The following LDAH variants were observed in gnomAD, a reference collection of about 807,000 sequenced individuals.
LDAH encodes the protein lipid droplet-associated hydrolase.
Under a neutral mutation model 29.6 loss-of-function variants are expected in LDAH, and 26 were observed. The observed-to-expected ratio is 0.88, with a 90% CI of 0.64 to 1.22. The LOEUF (loss-of-function observed/expected upper bound fraction) is 1.22. Among genes scored for constraint, LDAH ranks in the 50% most tolerant of loss-of-function variants. The probability of loss-of-function intolerance (pLI) is 0.00; values close to 1 mark genes in which losing one functional copy is unlikely to be tolerated. For synonymous variants in LDAH, 117 were observed against 133.0 expected, an observed-to-expected ratio of 0.88 and a Z score of 0.83; for missense variants, 344 against 387.3, an observed-to-expected ratio of 0.89 and a Z score of 0.94.
At chr2:20,750,397 C>T (rs1377350974) in intron 4 of LDAH, among the ~76,000 whole-genome samples, 5 of 152,188 alleles carry the variant, frequency 3.3e-5, no homozygotes, top group African/African-American at 1.2e-4. Flanking sequence ...TGGGGAGACT[C>T]TTAACTTCCC....
intron 3 of LDAH, among the ~76,000 whole-genome samples, chr2:20,779,437 C>T (rs1055417047): frequency 8.6e-5 from 13 of 151,602 alleles, no homozygotes; most frequent in African/African-American, 2.9e-4. Flanking sequence ...ATGTAACAAA[C>T]GTGTACATTC....
intron 5 of LDAH, among the ~76,000 whole-genome samples, chr2:20,738,664 T>C (rs1249829961): frequency 6.6e-6 from 1 of 152,162 alleles, no homozygotes; most frequent in Non-Finnish European, 1.5e-5. Context: ...ATGACTGTCC[T>C]TAGCCCTTGC....
intron 1 of LDAH, among the ~76,000 whole-genome samples, chr2:20,813,249 G>A (rs1358122890): frequency 6.6e-6 from 1 of 152,066 alleles, no homozygotes; most frequent in East Asian, 1.9e-4. Context: ...TATTAACTTA[G>A]TATAGTCTTC....
chr2:20,766,279 C>A (rs151150647), intron 4 of LDAH, among the ~76,000 whole-genome samples: 1 of 152,162 alleles, frequency 6.6e-6, no homozygotes. Flanking sequence ...CGCTTCCATT[C>A]TCTGGGGAGG....
chr2:20,693,616 A>G (rs1436175474), intron 6 of LDAH, among the ~76,000 whole-genome samples: 1 of 152,228 alleles, frequency 6.6e-6, no homozygotes, highest in East Asian at 1.9e-4. Flanking sequence ...CTTTTATAAT[A>G]AAACCTACTT....
In LDAH at chr2:20,790,314, A is replaced by G. The variant is rs368902106; in HGVS notation, c.239T>C (p.Ile80Thr). ...LTNRRFPVWT[I>T]SHAGHALAPK... Reference sequence around the variant, plus strand: ...AGCCAACGCATGCCCAGCATGACTGATAGTCCAAACTGGAAAGCGTCTGTT... The same window carrying G: ...AGCCAACGCATGCCCAGCATGACTGGTAGTCCAAACTGGAAAGCGTCTGTT... The change falls in exon 3 of 7, where the codon ATC (isoleucine) becomes ACC (threonine). Residue 80 changes from isoleucine (I) to threonine (T), a missense_variant. Coordinates refer to ENST00000237822, the MANE Select transcript of LDAH (RefSeq NM_021925.4). 3 of 1,614,060 alleles carry G rather than the reference A, an allele frequency of 1.9e-6. No individual in the cohort carries two copies. In the African/African-American group the frequency reaches 4.0e-5, roughly 22 times the overall value.
chr2:20,710,756 T>C (rs945242154), intron 5 of LDAH, among the ~76,000 whole-genome samples: 5 of 149,052 alleles, frequency 3.4e-5, no homozygotes, highest in African/African-American at 9.8e-5. Flanking sequence ...TATACATATA[T>C]ATACACATAT....
chr2:20,821,769 A>T (rs1212369604), intron 1 of LDAH, among the ~76,000 whole-genome samples: 2 of 152,296 alleles, frequency 1.3e-5, no homozygotes, highest in South Asian at 4.2e-4. Context: ...GTATAATTTT[A>T]AAAAAATTAA....
At position 20,685,282 on chromosome 2, in the gene LDAH, C is replaced by T. The variant is rs2164401; in HGVS notation, c.*1621G>A. On this transcript the variant is annotated 3_prime_UTR_variant, in exon 7 of 7. Transcript: ENST00000237822. Reference sequence around the variant, plus strand: ...GATTTACCCAGTATTGTTTACATGCCTTGATTTAGTATCAGTGAGTATCTC... The same window carrying T: ...GATTTACCCAGTATTGTTTACATGCTTTGATTTAGTATCAGTGAGTATCTC... The T allele has an allele frequency of 2.1e-4, 107 of 509,348 alleles. No homozygotes were observed. The South Asian group carries it at 3.4e-3, about 16-fold the overall frequency. The allele number at this position is 509,348 out of a possible 1,614,324, so 31.6% of individuals were successfully genotyped here. A position where few individuals can be genotyped will look rare whatever the true frequency, so the allele number is the denominator to read the frequency against.
intron 6 of LDAH, among the ~76,000 whole-genome samples, chr2:20,694,006 C>A (rs1301349814): frequency 2.6e-5 from 4 of 152,244 alleles, no homozygotes; most frequent in Non-Finnish European, 5.9e-5. Flanking sequence ...TCCAGGTTTT[C>A]TTTCCTTCTT....
intron 4 of LDAH, among the ~76,000 whole-genome samples, chr2:20,762,218 A>T (rs187825922): frequency 1.3e-5 from 2 of 152,286 alleles, no homozygotes; most frequent in East Asian, 3.9e-4. Flanking sequence ...TATAATAGAT[A>T]ATAGTTTTGC....
intron 4 of LDAH, among the ~76,000 whole-genome samples, chr2:20,743,900 A>T (rs1667387016): frequency 6.8e-6 from 1 of 147,362 alleles, no homozygotes; most frequent in African/African-American, 2.5e-5. Context: ...TTCTTTTCCC[A>T]GTCTTTTTCT....
At chr2:20,779,297 CA>C (rs1670020235) in intron 3 of LDAH, among the ~76,000 whole-genome samples, 1 of 150,516 alleles carries the variant, frequency 6.6e-6, no homozygotes, top group Non-Finnish European at 1.5e-5. Flanking sequence ...GGGAGGTGAA[CA>C]TTGAGAACAC....
chr2:20,694,205 C>T (rs914795166), intron 6 of LDAH, among the ~76,000 whole-genome samples: 3 of 152,192 alleles, frequency 2.0e-5, no homozygotes, highest in African/African-American at 7.2e-5. Flanking sequence ...TTGAAGCTTT[C>T]CCGGGCTCGG....
intron 1 of LDAH, among the ~76,000 whole-genome samples, chr2:20,814,229 TGGG>T (rs70939052): frequency 5.3e-4 from 70 of 132,366 alleles, no homozygotes; most frequent in Middle Eastern, 3.7e-3. Context: ...AGTCTGACAA[TGGG>T]GGGGGGGGGT....
downstream of LDAH, among the ~76,000 whole-genome samples, chr2:20,683,110 C>G (rs1042813387): frequency 6.6e-6 from 1 of 152,200 alleles, no homozygotes; most frequent in Non-Finnish European, 1.5e-5. Flanking sequence ...GACCCTCGTT[C>G]GTGCTCTGAG....
chr2:20,795,619 A>C (rs1043913610), intron 2 of LDAH, among the ~76,000 whole-genome samples: 1 of 152,188 alleles, frequency 6.6e-6, no homozygotes, highest in Non-Finnish European at 1.5e-5. Context: ...CTAAATTAAA[A>C]GTTCTTCAAT....
At chr2:20,751,711 AT>A (rs1300283839) in intron 4 of LDAH, among the ~76,000 whole-genome samples, 1 of 152,252 alleles carries the variant, frequency 6.6e-6, no homozygotes, top group Non-Finnish European at 1.5e-5. Context: ...ATTGACAGAT[AT>A]TAGGTAAAGC....
At chr2:20,737,227 A>G (rs1666852610) in intron 5 of LDAH, among the ~76,000 whole-genome samples, 1 of 152,202 alleles carries the variant, frequency 6.6e-6, no homozygotes, top group South Asian at 2.1e-4. Context: ...CCTGCTTTCT[A>G]TTCTCTACCT....
Sources: allele counts gnomAD v4.1 joint callset (sites outside exome capture counted in the v4.1 genomes callset), GRCh38; gene constraint gnomAD v4.1.1; transcripts MANE v1.5; gene names NCBI Gene and HGNC (gene_info 2026-07-23, HGNC 2026-07-21).